Variants in OPHN1 observed in about 807,000 individuals in gnomAD.
OPHN1 encodes the protein oligophrenin 1, also known as oligophrenin-1.
A neutral mutation model predicts 60.7 loss-of-function variants in OPHN1; 11 were observed. The ratio of observed to expected loss-of-function variants is 0.18; its 90% CI spans 0.11 to 0.30. The LOEUF is 0.30. Among genes scored for constraint, OPHN1 ranks in the 10% least tolerant of loss-of-function variants. The pLI is 1.00. For missense variants in OPHN1, 449 were observed against 611.0 expected (o/e 0.73, Z 2.80); for synonymous variants, 226 against 222.6 (o/e 1.02, Z -0.14).
At chrX:68,089,083 T>G (rs1329879220) in intron 19 of OPHN1, among the ~76,000 whole-genome samples, 1 of 111,244 alleles carries the variant, frequency 9.0e-6, no homozygotes, top group Non-Finnish European at 1.9e-5. Context: ...CCTCAATTGA[T>G]TCCTGTTTTC....
chrX:68,058,265 C>G (rs1289154440), intron 21 of OPHN1, among the ~76,000 whole-genome samples: 1 of 109,510 alleles, frequency 9.1e-6, no homozygotes, highest in African/African-American at 3.3e-5. Context: ...CTCTAACACA[C>G]ACACACACAC....
chrX:68,239,234 T>TG (rs1446113208), intron 5 of OPHN1, among the ~76,000 whole-genome samples: 151 of 110,341 alleles, frequency 1.4e-3, no homozygotes, highest in African/African-American at 3.7e-3. Flanking sequence ...GCCGGTGTCC[T>TG]CCTGGTGTCT....
chrX:68,379,306 C>T (rs1011302499), intron 2 of OPHN1, among the ~76,000 whole-genome samples: 1 of 111,811 alleles, frequency 8.9e-6, no homozygotes, highest in South Asian at 3.7e-4. Context: ...CTGAAGTTGC[C>T]TATCAGCTAA....
At chrX:68,144,425 A>G (rs1329710887) in intron 15 of OPHN1, among the ~76,000 whole-genome samples, 1 of 111,786 alleles carries the variant, frequency 8.9e-6, no homozygotes, top group Non-Finnish European at 1.9e-5. Flanking sequence ...ACAATAGCAC[A>G]GATAATAAGC....
chrX:68,388,341 T>C (rs2147751463), intron 2 of OPHN1, among the ~76,000 whole-genome samples: 1 of 107,020 alleles, frequency 9.3e-6, no homozygotes, highest in African/African-American at 3.4e-5. Flanking sequence ...GCACCTGTAA[T>C]TCCAGCTACT....
At chrX:68,091,894 T>C (rs1007281266) in intron 19 of OPHN1, among the ~76,000 whole-genome samples, 1 of 111,599 alleles carries the variant, frequency 9.0e-6, no homozygotes, top group African/African-American at 3.3e-5. Context: ...TAATTGGCAA[T>C]GTTGTTCTAG....
chrX:68,340,663 A>G (rs1173634394), intron 2 of OPHN1, among the ~76,000 whole-genome samples: 2 of 111,633 alleles, frequency 1.8e-5, no homozygotes, highest in Non-Finnish European at 3.8e-5. Flanking sequence ...CATAGGTATG[A>G]CACCCAAAAC....
chrX:68,353,637 A>T (rs899406446), intron 2 of OPHN1, among the ~76,000 whole-genome samples: 2 of 111,419 alleles, frequency 1.8e-5, no homozygotes, highest in African/African-American at 6.5e-5. Flanking sequence ...TTTCCTACTT[A>T]AAATGACAAA....
At chrX:68,321,225 C>T (rs746778636) in intron 2 of OPHN1, among the ~76,000 whole-genome samples, 4 of 111,608 alleles carry the variant, frequency 3.6e-5, no homozygotes, top group African/African-American at 9.8e-5. Flanking sequence ...CCTATCGTGA[C>T]GCTACCTAGA....
rs1279426262 is a variant in OPHN1 at position 68,282,236 on chromosome X, TAAAA to T, written c.312+816_312+819del. On this transcript the variant is annotated intron_variant, in intron 4 of 24. Transcript: ENST00000355520. The stretch of plus-strand genomic sequence containing the variant: ...CATACAATGGGATATTACTTAATGA[TAAAA>T]ATAAATGACAGGAAAATAAAATGCA... 5.2e-3 allele frequency among the ~76,000 whole-genome samples: 578 copies of T among 112,000 alleles called. 4 individuals carry two copies. Among genetic ancestry groups the T allele is most frequent in the African/African-American group, 0.018 (549 of 30,891 alleles).
intron 4 of OPHN1, among the ~76,000 whole-genome samples, chrX:68,275,062 G>A (rs1412226240): frequency 5.4e-5 from 6 of 111,977 alleles, no homozygotes; most frequent in Admixed American, 9.5e-5. Flanking sequence ...GTTTTTAATC[G>A]ATAAATATCT....
intron 5 of OPHN1, among the ~76,000 whole-genome samples, chrX:68,249,781 G>T (rs977206037): frequency 9.0e-6 from 1 of 111,623 alleles, no homozygotes; most frequent in Non-Finnish European, 1.9e-5. Context: ...AGTGAATACT[G>T]TATCACTCTT....
At chrX:68,126,137 C>A (rs976518667) in intron 15 of OPHN1, among the ~76,000 whole-genome samples, 3 of 107,391 alleles carry the variant, frequency 2.8e-5, no homozygotes, top group South Asian at 8.5e-4. Context: ...AGGACAAAAA[C>A]CATACTATAA....
chrX:68,177,162 G>A (rs2077418077), intron 15 of OPHN1, among the ~76,000 whole-genome samples: 1 of 110,181 alleles, frequency 9.1e-6, no homozygotes, highest in Non-Finnish European at 1.9e-5. Flanking sequence ...GGCACTTAGA[G>A]TAGTCAAACA....
At chrX:68,297,175 T>C (rs983371860) in intron 3 of OPHN1, among the ~76,000 whole-genome samples, 1 of 111,962 alleles carries the variant, frequency 8.9e-6, no homozygotes, top group Non-Finnish European at 1.9e-5. Context: ...GTAGCAGTTA[T>C]TTTTAAAAAG....
intron 2 of OPHN1, among the ~76,000 whole-genome samples, chrX:68,416,067 TAGAGAG>T (rs1171250178): frequency 4.9e-3 from 41 of 8,301 alleles, no homozygotes; most frequent in South Asian, 0.023. Context: ...TATATATATA[TAGAGAG>T]AGAGAGAGAG....
At chrX:68,218,430 G>A (rs1459051962) in intron 6 of OPHN1, among the ~76,000 whole-genome samples, 2 of 102,726 alleles carry the variant, frequency 1.9e-5, no homozygotes, top group African/African-American at 3.5e-5. Flanking sequence ...TACAGAGAAC[G>A]CCACAAAGAT....
intron 5 of OPHN1, among the ~76,000 whole-genome samples, chrX:68,246,084 C>T (rs779556980): frequency 2.8e-4 from 31 of 111,751 alleles, no homozygotes; most frequent in Non-Finnish European, 4.7e-4. Flanking sequence ...GAATTACAGG[C>T]GTGAGCCACT....
chrX:68,242,586 T>C (rs886618078), intron 5 of OPHN1, among the ~76,000 whole-genome samples: 2 of 110,824 alleles, frequency 1.8e-5, no homozygotes, highest in Non-Finnish European at 3.8e-5. Context: ...CCCAAAATAA[T>C]AGATAACAGG....
Sources: allele counts gnomAD v4.1 joint callset (sites outside exome capture counted in the v4.1 genomes callset), GRCh38; gene constraint gnomAD v4.1.1; transcripts MANE v1.5; gene names NCBI Gene and HGNC (gene_info 2026-07-23, HGNC 2026-07-21).